The following BRD3 variants were observed in gnomAD, a reference collection of about 807,000 sequenced individuals.
The protein encoded by BRD3 is bromodomain containing 3.
A neutral mutation model predicts 66.8 loss-of-function variants in BRD3; 17 were observed. The observed-to-expected ratio is 0.25, with a 90% confidence interval of 0.17 to 0.38. BRD3 has a LOEUF of 0.38. BRD3 is among the 10% of genes least tolerant of loss of function. The pLI is 1.00. For missense variants in BRD3, 713 were observed against 956.1 expected, an observed-to-expected ratio of 0.75 and a Z score of 3.35; for synonymous variants, 421 against 393.2, an observed-to-expected ratio of 1.07 and a Z score of -0.84.
At chr9:134,036,733 G>A (rs1213830590) in intron 9 of BRD3, 1 of 810,790 alleles carries the variant, frequency 1.2e-6, no homozygotes, top group African/African-American at 1.7e-5. Context: ...CTAGGGCCGG[G>A]CGCGGTGGCT....
intron 1 of BRD3, among the ~76,000 whole-genome samples, chr9:134,064,082 C>T (rs1830596920): frequency 6.6e-6 from 1 of 152,218 alleles, no homozygotes; most frequent in African/African-American, 2.4e-5. Flanking sequence ...TGGTGCGAGA[C>T]GCAGACAGCC....
intron 1 of BRD3, among the ~76,000 whole-genome samples, chr9:134,067,586 G>A (rs1390518759): frequency 1.4e-5 from 2 of 147,060 alleles, no homozygotes; most frequent in Non-Finnish European, 3.0e-5. Context: ...GAGGGCGCGC[G>A]GAGGCCGGGC....
At chr9:134,038,355 C>T (rs1354926307) in intron 9 of BRD3, among the ~76,000 whole-genome samples, 2 of 152,156 alleles carry the variant, frequency 1.3e-5, no homozygotes, top group Non-Finnish European at 2.9e-5. Context: ...AGGGTTTCAC[C>T]ATGTTGGCCC....
chr9:134,042,724 CATAT>C (rs566280194), intron 7 of BRD3, among the ~76,000 whole-genome samples: 1 of 150,060 alleles, frequency 6.7e-6, no homozygotes, highest in African/African-American at 2.5e-5. Flanking sequence ...CATATATACA[CATAT>C]ATATACACAC....
chr9:134,051,535 C>CCCCTCGCCTGCCCCAGCT, intron 4 of BRD3, 27 bp downstream of exon 4: 1 of 1,506,968 alleles, frequency 6.6e-7, no homozygotes, highest in Non-Finnish European at 8.8e-7. Flanking sequence ...AGAGGCCCAG[C>CCCCTCGCCTGCCCCAGCT]CCCTCGCCTG....
intron 11 of BRD3, 73 bp downstream of exon 11, chr9:134,034,628 C>T (rs1436500011): frequency 2.3e-5 from 36 of 1,578,196 alleles, no homozygotes; most frequent in Non-Finnish European, 2.7e-5. Context: ...TGGGCCTGCT[C>T]GATGCTCAAA....
intron 7 of BRD3, among the ~76,000 whole-genome samples, chr9:134,043,700 T>C (rs78994119): frequency 0.013 from 1,984 of 152,280 alleles, 32 homozygotes; most frequent in African/African-American, 0.032. Context: ...TGCTCAGTCA[T>C]GGAAATCCAT....
chr9:134,038,888 A>G (rs1275538211), intron 9 of BRD3, among the ~76,000 whole-genome samples: 7 of 152,236 alleles, frequency 4.6e-5, no homozygotes, highest in Non-Finnish European at 5.9e-5. Context: ...CTTATTTTAG[A>G]TAAAGGATAC....
At chr9:134,046,729 C>T (rs1830178042) in intron 6 of BRD3, among the ~76,000 whole-genome samples, 1 of 152,224 alleles carries the variant, frequency 6.6e-6, no homozygotes. Flanking sequence ...GCCACAGTCG[C>T]GGGCAGCAAG....
chr9:134,047,154 C>T (rs1055311069), intron 6 of BRD3, among the ~76,000 whole-genome samples: 8 of 152,224 alleles, frequency 5.3e-5, no homozygotes, highest in Non-Finnish European at 7.3e-5. Flanking sequence ...CTGTCCTGCC[C>T]GAGATCCAGT....
intron 4 of BRD3, 96 bp from the exon 5 acceptor site, chr9:134,050,684 C>T: frequency 9.8e-7 from 1 of 1,024,912 alleles, no homozygotes; most frequent in Non-Finnish European, 1.4e-6. Context: ...CGGGTACCAG[C>T]TCTGTGCTGC....
intron 7 of BRD3, among the ~76,000 whole-genome samples, chr9:134,044,951 G>C (rs949799443): frequency 3.3e-5 from 5 of 152,192 alleles, no homozygotes; most frequent in Non-Finnish European, 7.3e-5. Flanking sequence ...CAGAAGACTT[G>C]CTGGAAACTA....
intron 1 of BRD3, among the ~76,000 whole-genome samples, chr9:134,059,301 G>A (rs536374328): frequency 1.3e-5 from 2 of 152,310 alleles, no homozygotes; most frequent in South Asian, 2.1e-4. Flanking sequence ...TGCATCCTGC[G>A]TCCTCACAGC....
At position 134,048,380 on chromosome 9, in the gene BRD3, C is replaced by A; in HGVS notation, c.789G>T (p.Ser263=). 1 of 1,598,000 alleles carries A rather than the reference C, an allele frequency of 6.3e-7. No homozygotes were observed. The highest frequency in any genetic ancestry group is 8.5e-7 in the Non-Finnish European group (1 of 1,179,652). Residue 263 remains serine (S), a synonymous_variant, in exon 6 of 12, where the codon TCG becomes TCT. Coordinates refer to ENST00000303407, the MANE Select transcript of BRD3 (RefSeq NM_007371.4). Reference sequence around the variant, plus strand: ...GCTTGGGGTCTGACAACGGCGGGGGCGACTCACTCCGGCTGGCAGTGATGG... The same window carrying A: ...GCTTGGGGTCTGACAACGGCGGGGGAGACTCACTCCGGCTGGCAGTGATGG... ...TSAITASRSE[S]PPPLSDPKQA...
In BRD3 at chr9:134,045,489, C is replaced by T. The variant is rs891892569; in HGVS notation, c.1087-68G>A. Reference sequence around the variant, plus strand: ...CATCAGGACTCTCTGCCACACCCCACGAGATGAACTCTGGAGCCTCAGGAG... The same window carrying T: ...CATCAGGACTCTCTGCCACACCCCATGAGATGAACTCTGGAGCCTCAGGAG... On this transcript the variant is annotated intron_variant, in intron 6 of 11. Transcript: ENST00000303407. The surrounding 1 kb of genome is among the most constrained non-coding windows in gnomAD (Gnocchi z 4.8). 31 of 1,599,496 alleles carry T rather than the reference C, an allele frequency of 1.9e-5. No individual in the cohort carries two copies. Among genetic ancestry groups the T allele is most frequent in the African/African-American group, 1.9e-4 (14 of 74,674 alleles).
At chr9:134,048,608 G>A (rs984978222) in intron 5 of BRD3, among the ~76,000 whole-genome samples, 154 bp from the exon 6 acceptor site, 6 of 152,222 alleles carry the variant, frequency 3.9e-5, no homozygotes, top group African/African-American at 1.4e-4. Flanking sequence ...AAGGCTCAGG[G>A]GCCATGTCAC....
At chr9:134,053,643 C>T (rs2132434059) in intron 1 of BRD3, 53 bp from the exon 2 acceptor site, 1 of 1,418,438 alleles carries the variant, frequency 7.1e-7, no homozygotes, top group Non-Finnish European at 9.2e-7. Flanking sequence ...CGGGGACCCC[C>T]ACCTCTCCCA....
At chr9:134,037,493 C>A (rs2132385709) in intron 9 of BRD3, among the ~76,000 whole-genome samples, 1 of 152,270 alleles carries the variant, frequency 6.6e-6, no homozygotes, top group Admixed American at 6.5e-5. Flanking sequence ...ATCACTTGAA[C>A]CCTGGAGGCG....
intron 1 of BRD3, among the ~76,000 whole-genome samples, chr9:134,062,523 G>A (rs1414060223): frequency 1.3e-5 from 2 of 152,114 alleles, no homozygotes; most frequent in Non-Finnish European, 2.9e-5. Flanking sequence ...GGCCCTGGGT[G>A]AGCGGCCTCT....
Sources: gnomAD v4.1 joint callset for allele counts (sites outside exome capture counted in the v4.1 genomes callset) on GRCh38, gnomAD v4.1.1 for gene constraint, Gnocchi (gnomAD v3.1) non-coding constraint, MANE v1.5 for transcripts, NCBI Gene and HGNC (gene_info 2026-07-23, HGNC 2026-07-21) for gene names.